Variants in IL1RAPL2 observed in about 807,000 individuals in gnomAD.
IL1RAPL2 encodes the protein X-linked interleukin-1 receptor accessory protein-like 2.
IL1RAPL2 carries 3 observed loss-of-function variants against 44.1 expected under a neutral mutation model. That is an observed-to-expected ratio of 0.07 (90% CI 0.03 to 0.18). The LOEUF is 0.18. Among genes scored for constraint, IL1RAPL2 ranks in the 10% least tolerant of loss-of-function variants. IL1RAPL2 has a pLI of 1.00. For synonymous variants in IL1RAPL2, 181 were observed against 178.8 expected (o/e 1.01, Z -0.10); for missense variants, 391 against 496.4 (o/e 0.79, Z 2.02).
At chrX:105,103,893 T>C (rs2032703647) in intron 2 of IL1RAPL2, among the ~76,000 whole-genome samples, 1 of 111,894 alleles carries the variant, frequency 8.9e-6, no homozygotes, top group South Asian at 3.8e-4. Flanking sequence ...CCTGGTCCCA[T>C]AATAAAAGAG....
At chrX:105,043,184 T>G (rs773453187) in intron 2 of IL1RAPL2, among the ~76,000 whole-genome samples, 11 of 108,998 alleles carry the variant, frequency 1.0e-4, no homozygotes, top group African/African-American at 3.3e-4. Flanking sequence ...CATATGTAAC[T>G]AACCTGCACA....
chrX:105,225,388 C>G lies in IL1RAPL2; in HGVS notation c.357-8430C>G, dbSNP rs1303248313. Among the ~76,000 whole-genome samples the G allele has an allele frequency of 6.3e-5, 7 of 111,776 alleles. No individual in the cohort carries two copies. The Admixed American group carries it at 6.6e-4, about 11-fold the overall frequency. Reference sequence around the variant, plus strand: ...GTCCACAAGCTACTTTTTTAAAAAACAATTACAAGAAGAAGAAAACAAAAC... The same window carrying G: ...GTCCACAAGCTACTTTTTTAAAAAAGAATTACAAGAAGAAGAAAACAAAAC... On this transcript the variant is annotated intron_variant, in intron 3 of 10. Transcript: ENST00000372582.
At chrX:105,007,024 T>C (rs2030955286) in intron 2 of IL1RAPL2, among the ~76,000 whole-genome samples, 1 of 111,608 alleles carries the variant, frequency 9.0e-6, no homozygotes, top group Non-Finnish European at 1.9e-5. Flanking sequence ...GTGATTTACT[T>C]TTATAACTGT....
chrX:105,484,676 T>C (rs1889605795), intron 6 of IL1RAPL2, among the ~76,000 whole-genome samples: 2 of 111,869 alleles, frequency 1.8e-5, no homozygotes, highest in African/African-American at 6.5e-5. Context: ...GCATTGGTGA[T>C]TGGTACAGAA....
chrX:105,623,734 A>G (rs1348932478), intron 6 of IL1RAPL2, among the ~76,000 whole-genome samples: 3 of 111,532 alleles, frequency 2.7e-5, no homozygotes, highest in African/African-American at 9.8e-5. Context: ...CATTTATCCA[A>G]CATTTATTTG....
intron 5 of IL1RAPL2, among the ~76,000 whole-genome samples, chrX:105,279,373 T>A (rs951424468): frequency 8.9e-6 from 1 of 112,062 alleles, no homozygotes; most frequent in Non-Finnish European, 1.9e-5. Flanking sequence ...GGTGGTTGTT[T>A]TTCCAAAGCC....
chrX:104,897,089 C>A (rs765517095), intron 2 of IL1RAPL2, among the ~76,000 whole-genome samples: 2 of 111,720 alleles, frequency 1.8e-5, no homozygotes, highest in Non-Finnish European at 3.8e-5. Context: ...TCGAAGTCAG[C>A]GAGACCAAGA....
At chrX:105,430,329 A>G (rs1286037647) in intron 5 of IL1RAPL2, among the ~76,000 whole-genome samples, 5 of 111,654 alleles carry the variant, frequency 4.5e-5, no homozygotes, top group Non-Finnish European at 9.4e-5. Context: ...TATGGCCACA[A>G]AGTATTTCTC....
intron 2 of IL1RAPL2, among the ~76,000 whole-genome samples, chrX:104,676,395 A>C (rs1406902737): frequency 9.0e-6 from 1 of 111,389 alleles, no homozygotes; most frequent in Non-Finnish European, 1.9e-5. Flanking sequence ...CTGGGTTGAA[A>C]ATTCTTTTCT....
At chrX:105,141,804 G>A (rs775300225) in intron 2 of IL1RAPL2, among the ~76,000 whole-genome samples, 2 of 112,267 alleles carry the variant, frequency 1.8e-5, no homozygotes, top group East Asian at 2.8e-4. Flanking sequence ...GTTTGACACA[G>A]CATGGCTTCA....
chrX:104,947,174 G>A (rs1925403650), intron 2 of IL1RAPL2, among the ~76,000 whole-genome samples: 1 of 112,196 alleles, frequency 8.9e-6, no homozygotes, highest in South Asian at 3.7e-4. Context: ...CAGTGATGAT[G>A]AGCATGTTTT....
At chrX:105,731,057 A>T (rs1169803490) in intron 7 of IL1RAPL2, among the ~76,000 whole-genome samples, 1 of 111,284 alleles carries the variant, frequency 9.0e-6, no homozygotes, top group East Asian at 2.8e-4. Flanking sequence ...ATAGACACTC[A>T]AAAACTACAA....
At chrX:104,808,344 C>T in intron 2 of IL1RAPL2, among the ~76,000 whole-genome samples, 1 of 111,378 alleles carries the variant, frequency 9.0e-6, no homozygotes, top group Non-Finnish European at 1.9e-5. Flanking sequence ...TTATTATGCC[C>T]ATTTCATAAA....
At chrX:105,160,045 A>G (rs1421662096) in intron 2 of IL1RAPL2, among the ~76,000 whole-genome samples, 2 of 99,853 alleles carry the variant, frequency 2.0e-5, no homozygotes, top group Non-Finnish European at 4.0e-5. Flanking sequence ...TTGCTTTCAC[A>G]AAGCGTAATC....
chrX:105,575,878 A>C (rs1315504635), intron 6 of IL1RAPL2, among the ~76,000 whole-genome samples: 1 of 111,768 alleles, frequency 8.9e-6, no homozygotes, highest in African/African-American at 3.2e-5. Context: ...TTTGTGTGAG[A>C]TGGTACCTCG....
chrX:105,323,192 G>A (rs925978010), intron 5 of IL1RAPL2, among the ~76,000 whole-genome samples: 10 of 112,329 alleles, frequency 8.9e-5, no homozygotes, highest in Non-Finnish European at 1.5e-4. Context: ...ATTGAGATGA[G>A]GTGGCTCAAG....
chrX:104,963,890 A>G (rs932845972), intron 2 of IL1RAPL2, among the ~76,000 whole-genome samples: 1 of 107,983 alleles, frequency 9.3e-6, no homozygotes, highest in African/African-American at 3.4e-5. Context: ...CATTTTCTGA[A>G]TATAGTATAA....
chrX:105,082,050 G>C (rs1453693074), intron 2 of IL1RAPL2, among the ~76,000 whole-genome samples: 2 of 111,791 alleles, frequency 1.8e-5, no homozygotes, highest in East Asian at 5.7e-4. Context: ...AGAAGAAATG[G>C]TACCAGCTCC....
At chrX:104,897,216 G>T (rs1469912946) in intron 2 of IL1RAPL2, among the ~76,000 whole-genome samples, 1 of 111,909 alleles carries the variant, frequency 8.9e-6, no homozygotes, top group South Asian at 3.7e-4. Flanking sequence ...TCATCTGAAG[G>T]CTCAAGAGAG....
Sources: gnomAD v4.1 joint callset for allele counts (sites outside exome capture counted in the v4.1 genomes callset) on GRCh38, gnomAD v4.1.1 for gene constraint, MANE v1.5 for transcripts, NCBI Gene and HGNC (gene_info 2026-07-23, HGNC 2026-07-21) for gene names.